Variants in COMMD10 observed in about 807,000 individuals in gnomAD.
The protein encoded by COMMD10 is COMM domain containing 10.
A neutral mutation model predicts 28.9 loss-of-function variants in COMMD10; 33 were observed. That is an observed-to-expected ratio of 1.14 (90% CI 0.87 to 1.53). The LOEUF (loss-of-function observed/expected upper bound fraction) is 1.53, where lower values mean the gene tolerates loss of function less well. COMMD10 is among the 40% of genes most tolerant of loss of function. The probability of loss-of-function intolerance (pLI) is 0.00; values close to 1 mark genes in which losing one functional copy is unlikely to be tolerated. For synonymous variants in COMMD10, 110 were observed against 81.7 expected (o/e 1.35, Z -1.87); for missense variants, 310 against 233.4 (o/e 1.33, Z -2.14).
chr5:116,148,998 C>A (rs1490226456), intron 5 of COMMD10, among the ~76,000 whole-genome samples: 1 of 108,422 alleles, frequency 9.2e-6, no homozygotes, highest in Non-Finnish European at 1.8e-5. Flanking sequence ...CTATCCCTCC[C>A]CCCTCCCCCC....
chr5:116,140,545 T>C (rs1316870543), intron 5 of COMMD10, among the ~76,000 whole-genome samples: 1 of 151,818 alleles, frequency 6.6e-6, no homozygotes, highest in African/African-American at 2.4e-5. Flanking sequence ...CCACCATCAG[T>C]GTACGGGGTT....
At chr5:116,274,088 A>T (rs1750835864) in intron 5 of COMMD10, among the ~76,000 whole-genome samples, 1 of 151,726 alleles carries the variant, frequency 6.6e-6, no homozygotes, top group Non-Finnish European at 1.5e-5. Flanking sequence ...TAAAACAGCA[A>T]TATATTAAAT....
At chr5:116,113,278 T>C (rs1200813497) in intron 4 of COMMD10, among the ~76,000 whole-genome samples, 1 of 152,040 alleles carries the variant, frequency 6.6e-6, no homozygotes, top group Non-Finnish European at 1.5e-5. Flanking sequence ...CATTATAATA[T>C]GTTGTATTGA....
At chr5:116,266,097 G>A (rs1209585062) in intron 5 of COMMD10, among the ~76,000 whole-genome samples, 2 of 151,638 alleles carry the variant, frequency 1.3e-5, no homozygotes, top group African/African-American at 4.9e-5. Context: ...TAAAAAAGCG[G>A]CAGGATTTTG....
chr5:116,147,764 T>G (rs1752394654), intron 5 of COMMD10, among the ~76,000 whole-genome samples: 1 of 151,912 alleles, frequency 6.6e-6, no homozygotes, highest in Non-Finnish European at 1.5e-5. Context: ...TTTTAAAAAT[T>G]ACACAAGTAA....
At chr5:116,291,935 A>G (rs1390824373) in intron 6 of COMMD10, among the ~76,000 whole-genome samples, 2 of 152,104 alleles carry the variant, frequency 1.3e-5, no homozygotes, top group African/African-American at 2.4e-5. Flanking sequence ...TTAGAGATTT[A>G]TCTGTGAGTA....
chr5:116,279,803 C>G lies in COMMD10; in HGVS notation c.511-11714C>G, dbSNP rs145327392. On this transcript the variant is annotated intron_variant, in intron 5 of 6. Transcript: ENST00000274458. The stretch of plus-strand genomic sequence containing the variant: ...GAGATTTGATTACATTTTTTCAGAC[C>G]ATTTTTGAGAAATTGAAGACTTTAA... Among the ~76,000 whole-genome samples, 3 of 151,800 alleles carry G rather than the reference C, an allele frequency of 2.0e-5. No homozygotes were observed. The East Asian group carries it at 5.8e-4, about 29-fold the overall frequency.
At chr5:116,120,605 C>T (rs1237500616) in intron 4 of COMMD10, among the ~76,000 whole-genome samples, 1 of 152,092 alleles carries the variant, frequency 6.6e-6, no homozygotes, top group African/African-American at 2.4e-5. Flanking sequence ...CCCAAGCAAC[C>T]CCTGCTCTAC....
rs192651901 is a variant in COMMD10, at chr5:116,164,609, A to G, written c.510+30431A>G. 8.1e-3 allele frequency among the ~76,000 whole-genome samples: 1,233 copies of G among 152,306 alleles called. 12 individuals are homozygous for G. The highest frequency in any genetic ancestry group is 0.013 in the Non-Finnish European group (908 of 68,020). ...ATTTTCAGTTACTTTTTAAAACCCT[A>G]ATTATAAAAGCCAACTTGTAGTTTA... On this transcript the variant is annotated intron_variant, in intron 5 of 6. Transcript: ENST00000274458.
At chr5:116,098,519 T>G (rs541809702) in intron 4 of COMMD10, among the ~76,000 whole-genome samples, 215 of 152,350 alleles carry the variant, frequency 1.4e-3, no homozygotes, top group African/African-American at 4.9e-3. Context: ...TGCTGAGTAC[T>G]ATGTTAAATC....
chr5:116,090,827 A>G (rs920888082), intron 2 of COMMD10, among the ~76,000 whole-genome samples: 2 of 152,230 alleles, frequency 1.3e-5, no homozygotes, highest in African/African-American at 2.4e-5. Context: ...GCCCCTTAGC[A>G]CAGGGCTCTG....
At chr5:116,140,231 A>G (rs2136205) in intron 5 of COMMD10, among the ~76,000 whole-genome samples, 74,375 of 147,020 alleles carry the variant, frequency 0.51, 19,666 homozygotes, top group South Asian at 0.61. Flanking sequence ...TCATACTACT[A>G]TGTGTGTGTG....
chr5:116,128,747 A>G (rs1268487046), intron 4 of COMMD10, among the ~76,000 whole-genome samples: 3 of 152,014 alleles, frequency 2.0e-5, no homozygotes, highest in Non-Finnish European at 4.4e-5. Flanking sequence ...GGAATTATTT[A>G]TTCCCTTTGC....
intron 5 of COMMD10, among the ~76,000 whole-genome samples, chr5:116,283,538 G>T (rs1253948894): frequency 6.6e-6 from 1 of 151,314 alleles, no homozygotes; most frequent in African/African-American, 2.4e-5. Context: ...GTAGAGACAG[G>T]GTTTCACCAT....
chr5:116,215,691 AAGAAAT>A (rs1749074875), intron 5 of COMMD10, among the ~76,000 whole-genome samples: 1 of 88,890 alleles, frequency 1.1e-5, no homozygotes, highest in South Asian at 4.1e-4. Context: ...CAGCTAAAAA[AAGAAAT>A]ATATATATAT....
chr5:116,120,682 A>G (rs1459068968), intron 4 of COMMD10, among the ~76,000 whole-genome samples: 1 of 151,712 alleles, frequency 6.6e-6, no homozygotes, highest in Non-Finnish European at 1.5e-5. Context: ...TACTTTTTGT[A>G]TGTGTCTGGC....
intron 5 of COMMD10, among the ~76,000 whole-genome samples, chr5:116,136,549 C>G (rs1354767366): frequency 6.6e-6 from 1 of 152,164 alleles, no homozygotes; most frequent in Non-Finnish European, 1.5e-5. Context: ...CTTCTAGCTT[C>G]TTTGTTACAT....
chr5:116,212,825 G>A (rs1358093351), intron 5 of COMMD10, among the ~76,000 whole-genome samples: 1 of 151,964 alleles, frequency 6.6e-6, no homozygotes, highest in Non-Finnish European at 1.5e-5. Context: ...TATAGAAACT[G>A]TGGAATATTC....
At chr5:116,244,570 G>C in intron 5 of COMMD10, among the ~76,000 whole-genome samples, 1 of 149,414 alleles carries the variant, frequency 6.7e-6, no homozygotes, top group South Asian at 2.1e-4. Flanking sequence ...TAAAGAATAG[G>C]AGAAGTTTCC....
Sources: gnomAD v4.1 joint callset for allele counts (sites outside exome capture counted in the v4.1 genomes callset) on GRCh38, gnomAD v4.1.1 for gene constraint, MANE v1.5 for transcripts, NCBI Gene and HGNC (gene_info 2026-07-23, HGNC 2026-07-21) for gene names.